SUGCT: variants seen among roughly 807,000 people sequenced by gnomAD.
The protein encoded by SUGCT is succinyl-CoA:glutarate-CoA transferase, also known as succinyl-CoA:glutarate CoA-transferase.
SUGCT carries 41 observed loss-of-function variants against 55.0 expected under a neutral mutation model. That is an observed-to-expected ratio of 0.74 (90% CI 0.58 to 0.97). The LOEUF (loss-of-function observed/expected upper bound fraction) is 0.97, where lower values mean the gene tolerates loss of function less well. Ranked by LOEUF, SUGCT falls within the 50% of genes least tolerant of loss-of-function variation. The probability of loss-of-function intolerance (pLI) is 0.00; values close to 1 mark genes in which losing one functional copy is unlikely to be tolerated. For synonymous variants in SUGCT, 187 were observed against 200.4 expected, an observed-to-expected ratio of 0.93 and a Z score of 0.56; for missense variants, 568 against 547.8, an observed-to-expected ratio of 1.04 and a Z score of -0.37.
In SUGCT at chr7:40,345,300, G is replaced by A. The variant is rs138836663; in HGVS notation, c.816+28445G>A. 2.4e-3 allele frequency among the ~76,000 whole-genome samples: 364 copies of A among 152,256 alleles called. 5 individuals are homozygous for A. The highest frequency in any genetic ancestry group is 8.3e-3 in the African/African-American group (345 of 41,556). On this transcript the variant is annotated intron_variant, in intron 9 of 13. Coordinates refer to ENST00000335693, the MANE Select transcript of SUGCT (RefSeq NM_001193313.2). The stretch of plus-strand genomic sequence containing the variant: ...CAGTCCCTTTCCTCCCCTACGGAGG[G>A]ATAAACACTGTCCTAAATCTGGTGT...
intron 12 of SUGCT, among the ~76,000 whole-genome samples, chr7:40,717,903 C>T (rs1483243869): frequency 3.3e-5 from 5 of 149,422 alleles, no homozygotes; most frequent in Non-Finnish European, 7.5e-5. Context: ...GAAAATGGTA[C>T]ATAATGAGAA....
chr7:40,377,969 G>A (rs1784686847), intron 9 of SUGCT, among the ~76,000 whole-genome samples: 1 of 152,128 alleles, frequency 6.6e-6, no homozygotes, highest in African/African-American at 2.4e-5. Context: ...TAACCTTATT[G>A]ATGGTCTGTT....
At chr7:40,563,513 C>G (rs1795955995) in intron 12 of SUGCT, among the ~76,000 whole-genome samples, 1 of 149,592 alleles carries the variant, frequency 6.7e-6, no homozygotes, top group Admixed American at 6.6e-5. Flanking sequence ...TGAGACCAGC[C>G]TGGACAACAT....
chr7:40,616,756 A>C (rs904540499), intron 12 of SUGCT, among the ~76,000 whole-genome samples: 1 of 152,190 alleles, frequency 6.6e-6, no homozygotes, highest in Non-Finnish European at 1.5e-5. Context: ...TCTTCAATAG[A>C]AGTGGGGTTC....
chr7:40,596,510 A>G (rs1798015262), intron 12 of SUGCT, among the ~76,000 whole-genome samples: 1 of 152,170 alleles, frequency 6.6e-6, no homozygotes, highest in African/African-American at 2.4e-5. Context: ...TTTCAAGTTG[A>G]ATACCTAGGA....
At chr7:40,772,048 C>T (rs1157199454) in intron 13 of SUGCT, among the ~76,000 whole-genome samples, 1 of 152,044 alleles carries the variant, frequency 6.6e-6, no homozygotes, top group African/African-American at 2.4e-5. Context: ...TGCCTGTTGT[C>T]CAAGCATAAT....
At chr7:40,810,049 T>C (rs565000976) in intron 13 of SUGCT, among the ~76,000 whole-genome samples, 1 of 152,278 alleles carries the variant, frequency 6.6e-6, no homozygotes, top group South Asian at 2.1e-4. Context: ...CCTAGGTTGA[T>C]TCCATGACTT....
At chr7:40,777,717 G>A (rs1234271117) in intron 13 of SUGCT, among the ~76,000 whole-genome samples, 1 of 151,908 alleles carries the variant, frequency 6.6e-6, no homozygotes, top group African/African-American at 2.4e-5. Context: ...TCTTTCCTTT[G>A]GGGGCCTTTT....
intron 9 of SUGCT, among the ~76,000 whole-genome samples, chr7:40,412,821 A>G (rs1185411682): frequency 1.3e-5 from 2 of 151,998 alleles, no homozygotes; most frequent in African/African-American, 2.4e-5. Flanking sequence ...GCTCATCTTT[A>G]CTTTCTCTGT....
chr7:40,648,139 A>G (rs1352503960), intron 12 of SUGCT, among the ~76,000 whole-genome samples: 3 of 152,198 alleles, frequency 2.0e-5, no homozygotes, highest in Non-Finnish European at 4.4e-5. Context: ...ATGAAGATGA[A>G]ACTAATAATC....
the SUGCT span, among the ~76,000 whole-genome samples, chr7:40,968,914 C>G: frequency 6.6e-6 from 1 of 152,128 alleles, no homozygotes; most frequent in African/African-American, 2.4e-5. Context: ...GTGGTGTGAG[C>G]ATCCAGAAGG....
intron 12 of SUGCT, among the ~76,000 whole-genome samples, chr7:40,619,837 C>A (rs966666731): frequency 1.3e-5 from 2 of 152,134 alleles, no homozygotes; most frequent in Non-Finnish European, 2.9e-5. Context: ...GCTTATCATA[C>A]TTTATATAAT....
the SUGCT span, among the ~76,000 whole-genome samples, chr7:40,885,277 G>A: frequency 1.3e-5 from 2 of 152,122 alleles, no homozygotes; most frequent in African/African-American, 4.8e-5. Context: ...CTGGCTTGGA[G>A]AGAAACCAGA....
intron 12 of SUGCT, among the ~76,000 whole-genome samples, chr7:40,734,235 A>G (rs917455006): frequency 6.6e-6 from 1 of 152,230 alleles, no homozygotes; most frequent in Non-Finnish European, 1.5e-5. Flanking sequence ...AATTTGGAAT[A>G]GTCTGTGTCC....
intron 13 of SUGCT, among the ~76,000 whole-genome samples, chr7:40,803,007 T>C (rs1353819731): frequency 6.6e-6 from 1 of 152,210 alleles, no homozygotes; most frequent in Non-Finnish European, 1.5e-5. Context: ...TCCCAGATTA[T>C]AGGAAATTAG....
At chr7:40,832,022 TGTG>T (rs1014137186) in intron 13 of SUGCT, among the ~76,000 whole-genome samples, 62 of 152,162 alleles carry the variant, frequency 4.1e-4, no homozygotes, top group Middle Eastern at 3.2e-3. Flanking sequence ...TCTTGGGTGT[TGTG>T]GTACAGTAAC....
chr7:40,182,329 G>A (rs1283033711), intron 3 of SUGCT, among the ~76,000 whole-genome samples: 1 of 152,150 alleles, frequency 6.6e-6, no homozygotes, highest in Non-Finnish European at 1.5e-5. Context: ...CACTTTGGGA[G>A]GCCAAGGAGG....
At chr7:40,186,535 C>T in intron 3 of SUGCT, among the ~76,000 whole-genome samples, 1 of 152,050 alleles carries the variant, frequency 6.6e-6, no homozygotes, top group Non-Finnish European at 1.5e-5. Flanking sequence ...TTGGGATTAC[C>T]AGCATGAGCC....
chr7:40,557,327 G>A (rs895000740), intron 12 of SUGCT, among the ~76,000 whole-genome samples: 1 of 152,100 alleles, frequency 6.6e-6, no homozygotes, highest in African/African-American at 2.4e-5. Context: ...TTGAGATAAA[G>A]GTATAAAAGT....
Sources: allele counts gnomAD v4.1 joint callset (sites outside exome capture counted in the v4.1 genomes callset), GRCh38; gene constraint gnomAD v4.1.1; transcripts MANE v1.5; gene names NCBI Gene and HGNC (gene_info 2026-07-23, HGNC 2026-07-21).